SPOCK1: variants seen among roughly 807,000 people sequenced by gnomAD.
SPOCK1 encodes testican-1.
SPOCK1 carries 23 observed loss-of-function variants against 55.3 expected under a neutral mutation model. The observed-to-expected ratio is 0.42, with a 90% CI of 0.30 to 0.59. The LOEUF (loss-of-function observed/expected upper bound fraction) is 0.59. Among genes scored for constraint, SPOCK1 ranks in the 20% least tolerant of loss-of-function variants. The pLI, the probability that SPOCK1 is intolerant of heterozygous loss-of-function variation, is 0.22. For synonymous variants in SPOCK1, 226 were observed against 221.0 expected, an observed-to-expected ratio of 1.02 and a Z score of -0.20; for missense variants, 499 against 552.5, an observed-to-expected ratio of 0.90 and a Z score of 0.97.
At chr5:136,994,997 A>G (rs1751015854) in intron 6 of SPOCK1, among the ~76,000 whole-genome samples, 1 of 151,966 alleles carries the variant, frequency 6.6e-6, no homozygotes. Flanking sequence ...AAGAGCAGAA[A>G]CTCAGTCTCA....
intron 2 of SPOCK1, among the ~76,000 whole-genome samples, chr5:137,361,491 A>C (rs959620977): frequency 1.3e-5 from 2 of 152,200 alleles, no homozygotes; most frequent in African/African-American, 4.8e-5. Context: ...GCATAGATAA[A>C]AATTATGGTT....
chr5:137,182,542 T>C (rs1754990055), intron 3 of SPOCK1, among the ~76,000 whole-genome samples: 1 of 152,176 alleles, frequency 6.6e-6, no homozygotes, highest in South Asian at 2.1e-4. Context: ...GGAGTTCACA[T>C]AGAGACAGCC....
At chr5:137,430,778 T>C (rs773087420) in intron 2 of SPOCK1, among the ~76,000 whole-genome samples, 2 of 152,194 alleles carry the variant, frequency 1.3e-5, no homozygotes, top group Non-Finnish European at 2.9e-5. Context: ...CAGAAATGTA[T>C]ACCGTAACTG....
At chr5:137,350,279 G>A (rs866594699) in intron 2 of SPOCK1, among the ~76,000 whole-genome samples, 2 of 152,148 alleles carry the variant, frequency 1.3e-5, no homozygotes, top group African/African-American at 4.8e-5. Flanking sequence ...GAAGCCAAGG[G>A]AAAAGAAGGT....
At chr5:137,208,642 T>C (rs1258452574) in intron 3 of SPOCK1, among the ~76,000 whole-genome samples, 1 of 152,056 alleles carries the variant, frequency 6.6e-6, no homozygotes, top group Non-Finnish European at 1.5e-5. Context: ...CACTTATAAG[T>C]GGGGGCTAAA....
chr5:137,100,872 G>GC (rs1234072483), intron 5 of SPOCK1, among the ~76,000 whole-genome samples: 1 of 82,292 alleles, frequency 1.2e-5, no homozygotes, highest in Non-Finnish European at 3.3e-5. Context: ...GTTTCCGAAA[G>GC]GGGAAAAAAA....
chr5:137,428,598 G>A (rs369433560), intron 2 of SPOCK1, among the ~76,000 whole-genome samples: 33 of 152,206 alleles, frequency 2.2e-4, no homozygotes, highest in East Asian at 7.7e-4. Context: ...GAAATGTTGC[G>A]TTCTCCCTCA....
At chr5:137,272,243 T>C (rs1181906201) in intron 2 of SPOCK1, among the ~76,000 whole-genome samples, 1 of 152,224 alleles carries the variant, frequency 6.6e-6, no homozygotes, top group Non-Finnish European at 1.5e-5. Flanking sequence ...AAACTGGTTC[T>C]ATTTATCTTC....
Position 137,344,654 on chromosome 5 carries a change from C to CCAGT in SPOCK1, c.187-77603_187-77600dup, listed in dbSNP as rs572095539. Among the ~76,000 whole-genome samples the CCAGT allele has an allele frequency of 6.6e-5, 10 of 152,332 alleles. No individual in the cohort carries two copies. In the East Asian group the frequency reaches 1.9e-3, roughly 29 times the overall value. On this transcript the variant is annotated intron_variant, in intron 2 of 10. Coordinates refer to ENST00000394945, the MANE Select transcript of SPOCK1 (RefSeq NM_004598.4). The stretch of plus-strand genomic sequence containing the variant: ...ACAACTGCCTGCAACAGGGAATTTT[C>CCAGT]CAGTCCAAAAGCCAATACTACCAAG...
chr5:137,092,276 A>G (rs1393459584), intron 5 of SPOCK1, among the ~76,000 whole-genome samples: 1 of 152,242 alleles, frequency 6.6e-6, no homozygotes, highest in Non-Finnish European at 1.5e-5. Context: ...GAAAAAAAAG[A>G]TACATGGTGC....
intron 2 of SPOCK1, among the ~76,000 whole-genome samples, chr5:137,404,706 C>T (rs763654204): frequency 2.2e-4 from 34 of 151,900 alleles, no homozygotes; most frequent in South Asian, 2.1e-4. Flanking sequence ...GGGGAGCCAC[C>T]GCACCTGGCC....
At chr5:137,218,528 A>C (rs945124856) in intron 3 of SPOCK1, among the ~76,000 whole-genome samples, 4 of 152,254 alleles carry the variant, frequency 2.6e-5, no homozygotes, top group African/African-American at 9.6e-5. Context: ...CAAATATTTG[A>C]AGTTGGAATC....
At chr5:137,056,111 T>C (rs1752293962) in intron 6 of SPOCK1, among the ~76,000 whole-genome samples, 1 of 152,182 alleles carries the variant, frequency 6.6e-6, no homozygotes, top group Non-Finnish European at 1.5e-5. Flanking sequence ...ATCTGTGCCA[T>C]GCACTGTCCT....
At chr5:137,115,353 C>A (rs1039132778) in intron 4 of SPOCK1, among the ~76,000 whole-genome samples, 1 of 151,988 alleles carries the variant, frequency 6.6e-6, no homozygotes, top group African/African-American at 2.4e-5. Context: ...CCCAGTGTCA[C>A]CGAGAAATAT....
rs182621509 is a variant in SPOCK1 at position 137,246,666 on chromosome 5, G to A, written c.232+20344C>T. On this transcript the variant is annotated intron_variant, in intron 3 of 10. Coordinates refer to ENST00000394945, the MANE Select transcript of SPOCK1 (RefSeq NM_004598.4). ...GGGGTAAGGACAGTGTGGCCTGAGG[G>A]GTCTTCACCCTTGGAATCTGCCATG... is the stretch of plus-strand genomic sequence containing the variant. Among the ~76,000 whole-genome samples the A allele has an allele frequency of 5.3e-5, 8 of 152,240 alleles. No homozygotes were observed. In the East Asian group the frequency reaches 1.5e-3, roughly 29 times the overall value.
chr5:137,160,609 TATATA>T (rs1754526422), intron 3 of SPOCK1, among the ~76,000 whole-genome samples: 2 of 82,572 alleles, frequency 2.4e-5, no homozygotes, highest in Non-Finnish European at 4.5e-5. Context: ...TTATATATAA[TATATA>T]ATATATATTT....
intron 3 of SPOCK1, among the ~76,000 whole-genome samples, chr5:137,247,542 C>T (rs1480752000): frequency 2.6e-5 from 4 of 152,112 alleles, no homozygotes; most frequent in Admixed American, 1.3e-4. Context: ...CTTCTGGACC[C>T]CAGCTATACA....
chr5:137,426,263 C>G (rs1752609233), intron 2 of SPOCK1, among the ~76,000 whole-genome samples: 1 of 152,140 alleles, frequency 6.6e-6, no homozygotes, highest in African/African-American at 2.4e-5. Flanking sequence ...TCTATATATA[C>G]CATGGCATAA....
At chr5:137,413,395 ACTTCT>A (rs1265857284) in intron 2 of SPOCK1, among the ~76,000 whole-genome samples, 3 of 152,216 alleles carry the variant, frequency 2.0e-5, no homozygotes, top group Non-Finnish European at 4.4e-5. Context: ...GATTTTACCA[ACTTCT>A]CTTATTTCAA....
Sources: gnomAD v4.1 joint callset for allele counts (sites outside exome capture counted in the v4.1 genomes callset) on GRCh38, gnomAD v4.1.1 for gene constraint, MANE v1.5 for transcripts, NCBI Gene and HGNC (gene_info 2026-07-23, HGNC 2026-07-21) for gene names.